The following APIP variants were observed in gnomAD, a reference collection of about 807,000 sequenced individuals.
APIP encodes methylthioribulose-1-phosphate dehydratase.
A neutral mutation model predicts 32.0 loss-of-function variants in APIP; 32 were observed. The ratio of observed to expected loss-of-function variants is 1.00; its 90% CI spans 0.76 to 1.34. The LOEUF (loss-of-function observed/expected upper bound fraction) is 1.34, where lower values mean the gene tolerates loss of function less well. Among genes scored for constraint, APIP ranks in the 40% most tolerant of loss-of-function variants. APIP has a pLI of 0.00. For missense variants in APIP, 247 were observed against 298.6 expected (o/e 0.83, Z 1.27); for synonymous variants, 92 against 94.8 (o/e 0.97, Z 0.17).
At chr11:34,914,131 C>G (rs1853606746) in intron 1 of APIP, among the ~76,000 whole-genome samples, 1 of 152,208 alleles carries the variant, frequency 6.6e-6, no homozygotes, top group Non-Finnish European at 1.5e-5. Context: ...GAGGTATTCT[C>G]TAACCCATTC....
intron 5 of APIP, among the ~76,000 whole-genome samples, chr11:34,883,988 T>G (rs1184852905): frequency 6.6e-6 from 1 of 152,198 alleles, no homozygotes; most frequent in Non-Finnish European, 1.5e-5. Context: ...CAAGCATGGT[T>G]TGTGGCACTA....
Position 34,907,063 on chromosome 11 carries a change from C to T in APIP, c.57+9165G>A, listed in dbSNP as rs546050192. ...TTGTTCCCCACTTGATGTCCCTTTT[C>T]GGCAGGAAGTAGCCAGAAAGAGTTC... is the stretch of plus-strand genomic sequence containing the variant. On this transcript the variant is annotated intron_variant, in intron 1 of 6. Coordinates refer to ENST00000395787, the MANE Select transcript of APIP (RefSeq NM_015957.4). 4.3e-4 allele frequency among the ~76,000 whole-genome samples: 65 copies of T among 152,248 alleles called. No individual in the cohort carries two copies. In the East Asian group the frequency reaches 7.3e-3, roughly 17 times the overall value.
At position 34,888,403 on chromosome 11, in the gene APIP, G is replaced by A; in HGVS notation, c.351C>T (p.His117=). ...MRGAGAVIHT[H]SKAAVMATLL... is the part of the protein sequence containing the mutation. ...GTGTGGCCATCACAGCAGCTTTAGA[G>A]TGGGTATGAATCACTGCACCTGCTC... The change falls in exon 5 of 7, where the codon CAC becomes CAT. Residue 117 remains histidine (H), a synonymous_variant. Transcript: ENST00000395787. 3.1e-6 allele frequency: 5 copies of A among 1,611,156 alleles called. No homozygotes were observed. The highest frequency in any genetic ancestry group is 4.2e-6 in the Non-Finnish European group (5 of 1,178,800).
chr11:34,915,001 CAAAAAAAAAAA>C (rs33914497), intron 1 of APIP, among the ~76,000 whole-genome samples: 70 of 76,394 alleles, frequency 9.2e-4, no homozygotes, highest in Non-Finnish European at 1.7e-3. Flanking sequence ...CAAAACGTGT[CAAAAAAAAAAA>C]AAAAAAAAAA....
Sources: gnomAD v4.1 joint callset for allele counts (sites outside exome capture counted in the v4.1 genomes callset) on GRCh38, gnomAD v4.1.1 for gene constraint, MANE v1.5 for transcripts, NCBI Gene and HGNC (gene_info 2026-07-23, HGNC 2026-07-21) for gene names.